Variants in SLC4A10 observed in about 807,000 individuals in gnomAD.
The protein encoded by SLC4A10 is sodium-driven chloride bicarbonate exchanger.
A neutral mutation model predicts 137.7 loss-of-function variants in SLC4A10; 42 were observed. The observed-to-expected ratio is 0.30, with a 90% CI of 0.24 to 0.39. The LOEUF (loss-of-function observed/expected upper bound fraction) is 0.39. Among genes scored for constraint, SLC4A10 ranks in the 10% least tolerant of loss-of-function variants. The pLI is 1.00. For missense variants in SLC4A10, 925 were observed against 1,355.0 expected (o/e 0.68, Z 4.98); for synonymous variants, 474 against 464.1 (o/e 1.02, Z -0.27).
chr2:161,730,074 T>C (rs1011828760), intron 1 of SLC4A10, among the ~76,000 whole-genome samples: 4 of 152,212 alleles, frequency 2.6e-5, no homozygotes, highest in African/African-American at 7.2e-5. Flanking sequence ...AAGAGCATTT[T>C]AGCCTCAGGT....
At chr2:161,789,019 A>G (rs78209294) in intron 2 of SLC4A10, among the ~76,000 whole-genome samples, 3 of 152,010 alleles carry the variant, frequency 2.0e-5, no homozygotes, top group African/African-American at 4.8e-5. Context: ...AGGGGTTCTG[A>G]GGTATGTTTG....
chr2:161,786,243 C>CTATG (rs985157247), intron 2 of SLC4A10, among the ~76,000 whole-genome samples: 220 of 151,662 alleles, frequency 1.5e-3, no homozygotes, highest in African/African-American at 5.1e-3. Context: ...GAATAGCAAC[C>CTATG]TATGCTCTTT....
chr2:161,925,807 G>C (rs1484780052), intron 15 of SLC4A10, among the ~76,000 whole-genome samples: 1 of 151,958 alleles, frequency 6.6e-6, no homozygotes, highest in Admixed American at 6.6e-5. Flanking sequence ...ATTTCATTAT[G>C]TACCCAGTAG....
chr2:161,819,141 C>G (rs966199991), intron 3 of SLC4A10, among the ~76,000 whole-genome samples: 1 of 152,104 alleles, frequency 6.6e-6, no homozygotes, highest in Non-Finnish European at 1.5e-5. Flanking sequence ...TTAAAACATC[C>G]TAGTTGCATT....
chr2:161,751,875 T>G (rs2049020584), intron 1 of SLC4A10, among the ~76,000 whole-genome samples: 3 of 151,944 alleles, frequency 2.0e-5, no homozygotes, highest in African/African-American at 7.2e-5. Context: ...GAAATTCTAT[T>G]ACATTAAATG....
chr2:161,948,373 G>A (rs367566771), intron 17 of SLC4A10, among the ~76,000 whole-genome samples: 2 of 152,218 alleles, frequency 1.3e-5, no homozygotes, highest in African/African-American at 4.8e-5. Context: ...TGTTCCTTCC[G>A]AAGGGGGCTT....
rs543880900 is a variant in SLC4A10, at chr2:161,924,050, T to A, written c.1997+18163T>A. ...AAACGTTTTGCATTAATACTCCATC[T>A]TATTGCCAGAGTCACTAGAAATTAT... On this transcript the variant is annotated intron_variant, in intron 15 of 26. Transcript: ENST00000446997. 4.6e-5 allele frequency among the ~76,000 whole-genome samples: 7 copies of A among 152,278 alleles called. No homozygotes were observed. In the East Asian group the frequency reaches 1.2e-3, roughly 25 times the overall value.
intron 7 of SLC4A10, among the ~76,000 whole-genome samples, chr2:161,873,395 G>A (rs1267427635): frequency 6.6e-6 from 1 of 151,928 alleles, no homozygotes; most frequent in African/African-American, 2.4e-5. Flanking sequence ...GCCGGGTGTG[G>A]TGGCGCGTGC....
Position 161,912,725 on chromosome 2 carries a change from G to A in SLC4A10, c.1997+6838G>A, listed in dbSNP as rs1471544271. Among the ~76,000 whole-genome samples, 9 of 152,112 alleles carry A rather than the reference G, an allele frequency of 5.9e-5. No homozygotes were observed. In the South Asian group the frequency reaches 1.9e-3, roughly 32 times the overall value. ...GATGCTTTGCTGAATGTCAGAAATG[G>A]ATTTTCATGGGCAATATCACTGACT... On this transcript the variant is annotated intron_variant, in intron 15 of 26. Coordinates refer to ENST00000446997, the MANE Select transcript of SLC4A10 (RefSeq NM_001178015.2).
chr2:161,856,355 T>TAA (rs1436427167), intron 5 of SLC4A10, among the ~76,000 whole-genome samples: 1 of 64,152 alleles, frequency 1.6e-5, no homozygotes, highest in East Asian at 6.1e-4. Context: ...CCAAAAATAC[T>TAA]AAAACACACA....
At position 161,896,667 on chromosome 2, in the gene SLC4A10, C is replaced by T. The variant is rs1036429116; in HGVS notation, c.1341+1842C>T. On this transcript the variant is annotated intron_variant, in intron 11 of 26. Transcript: ENST00000446997. ...CAAACAAATGGAAGAACATTCCATG[C>T]TCATAAATGCATGTTTTACAATAGC... 7.9e-5 allele frequency among the ~76,000 whole-genome samples: 12 copies of T among 152,174 alleles called. No individual in the cohort carries two copies. In the East Asian group the frequency reaches 2.3e-3, roughly 29 times the overall value.
chr2:161,946,331 G>A (rs1425540005), intron 16 of SLC4A10, among the ~76,000 whole-genome samples: 2 of 152,090 alleles, frequency 1.3e-5, no homozygotes, highest in Non-Finnish European at 1.5e-5. Context: ...ACTCCAAGTA[G>A]ATTTTACTAG....
chr2:161,858,256 A>G (rs1055114448), intron 5 of SLC4A10, among the ~76,000 whole-genome samples: 5 of 152,118 alleles, frequency 3.3e-5, no homozygotes, highest in African/African-American at 1.2e-4. Context: ...GACATTTCCT[A>G]CTAGATGAAT....
chr2:161,845,518 C>G (rs1436782712), intron 4 of SLC4A10, among the ~76,000 whole-genome samples: 1 of 151,966 alleles, frequency 6.6e-6, no homozygotes, highest in Non-Finnish European at 1.5e-5. Context: ...CCCTGAAGTT[C>G]CAAACTCTCT....
chr2:161,924,120 A>G (rs750318810), intron 15 of SLC4A10, among the ~76,000 whole-genome samples: 2 of 152,082 alleles, frequency 1.3e-5, no homozygotes, highest in Non-Finnish European at 2.9e-5. Flanking sequence ...CTCATATTCT[A>G]TCTCCTCACA....
intron 15 of SLC4A10, among the ~76,000 whole-genome samples, chr2:161,910,210 G>C (rs1198114130): frequency 6.6e-6 from 1 of 151,920 alleles, no homozygotes; most frequent in Non-Finnish European, 1.5e-5. Flanking sequence ...CAAATAACAA[G>C]ATGTCTTTGA....
At chr2:161,741,267 A>G (rs986806244) in intron 1 of SLC4A10, among the ~76,000 whole-genome samples, 7 of 151,822 alleles carry the variant, frequency 4.6e-5, no homozygotes, top group Non-Finnish European at 1.0e-4. Context: ...TCAAAAAAAA[A>G]AAAAAAAAAG....
intron 15 of SLC4A10, among the ~76,000 whole-genome samples, chr2:161,908,636 G>A (rs12616276): frequency 6.6e-6 from 1 of 150,526 alleles, no homozygotes; most frequent in African/African-American, 2.4e-5. Flanking sequence ...TGGGAAAGGA[G>A]GCAGAATGGG....
chr2:161,718,734 G>A (rs1320606875), intron 1 of SLC4A10, among the ~76,000 whole-genome samples: 1 of 152,084 alleles, frequency 6.6e-6, no homozygotes. Flanking sequence ...CAGTTTTAGA[G>A]TAGGCACCAT....
Sources: allele counts gnomAD v4.1 joint callset (sites outside exome capture counted in the v4.1 genomes callset), GRCh38; gene constraint gnomAD v4.1.1; transcripts MANE v1.5; gene names NCBI Gene and HGNC (gene_info 2026-07-23, HGNC 2026-07-21).